DNAI3: variants seen among roughly 807,000 people sequenced by gnomAD.
The protein encoded by DNAI3 is WD repeat domain 63.
DNAI3 carries 83 observed loss-of-function variants against 115.5 expected under a neutral mutation model. The ratio of observed to expected loss-of-function variants is 0.72; its 90% CI spans 0.60 to 0.86. The LOEUF is 0.86. DNAI3 is among the 40% of genes least tolerant of loss of function. The pLI, the probability that DNAI3 is intolerant of heterozygous loss-of-function variation, is 0.00. For missense variants in DNAI3, 1,004 were observed against 1,075.8 expected (o/e 0.93, Z 0.93); for synonymous variants, 320 against 347.0 (o/e 0.92, Z 0.86).
Position 85,084,580 on chromosome 1 carries a change from A to C in DNAI3, c.425A>C (p.Lys142Thr). 2 of 1,527,124 alleles carry C rather than the reference A, an allele frequency of 1.3e-6. No homozygotes were observed. The highest frequency in any genetic ancestry group is 2.7e-5 in the South Asian group (2 of 75,096). The allele number at this position is 1,527,124 out of a possible 1,614,324, so 94.6% of individuals were successfully genotyped here. Reference sequence around the variant, plus strand: ...GTACCAGAAGAACAAGAAGAATATAAAGAACATATTCCTGAAGATGTGTAT... The same window carrying C: ...GTACCAGAAGAACAAGAAGAATATACAGAACATATTCCTGAAGATGTGTAT... ...PEVPEEQEEY[K>T]EHIPEDVYIY... Residue 142 changes from lysine (K) to threonine (T), a missense_variant, in exon 6 of 23, where the codon AAA becomes ACA. Transcript: ENST00000294664.
intron 20 of DNAI3, among the ~76,000 whole-genome samples, chr1:85,128,499 A>G (rs1656216258): frequency 2.6e-5 from 4 of 152,218 alleles, no homozygotes; most frequent in Admixed American, 2.6e-4. Flanking sequence ...ACAAAGGCTC[A>G]GTCTTAGCTT....
intron 7 of DNAI3, among the ~76,000 whole-genome samples, chr1:85,088,007 C>A (rs141524060): frequency 6.6e-6 from 1 of 151,790 alleles, no homozygotes; most frequent in South Asian, 2.1e-4. Context: ...AAACAAGAGG[C>A]GGTAAAGAGA....
chr1:85,095,448 G>C (rs547139435), intron 10 of DNAI3, among the ~76,000 whole-genome samples: 1 of 151,984 alleles, frequency 6.6e-6, no homozygotes, highest in African/African-American at 2.4e-5. Context: ...GCCCTTTCTT[G>C]TCAGCCACAA....
chr1:85,084,555 G>C lies in DNAI3; in HGVS notation c.400G>C (p.Val134Leu). ...ATTTATTTTACTTTAGCCCCCAGAA[G>C]TACCAGAAGAACAAGAAGAATATAA... Reference protein sequence around the residue: ...GKENYLNPPEVPEEQEEYKEH... With the variant: ...GKENYLNPPELPEEQEEYKEH... Residue 134 changes from valine (V) to leucine (L), a missense_variant, in exon 6 of 23, where the codon GTA becomes CTA. Physicochemically the swap from Val to Leu is conservative, Grantham distance 32. Transcript: ENST00000294664. 2 of 1,454,414 alleles carry C rather than the reference G, an allele frequency of 1.4e-6. No individual in the cohort carries two copies. The highest frequency in any genetic ancestry group is 1.8e-6 in the Non-Finnish European group (2 of 1,099,396). 90.1% of individuals were successfully genotyped at this position (1,454,414 alleles called of 1,614,324 possible). A position where few individuals can be genotyped will look rare whatever the true frequency, so the allele number is the denominator to read the frequency against.
Position 85,082,376 on chromosome 1 carries a change from C to A in DNAI3, c.362C>A (p.Thr121Asn), listed in dbSNP as rs1557709866. 1.9e-6 allele frequency: 3 copies of A among 1,613,616 alleles called. No individual in the cohort carries two copies. In the Admixed American group the frequency reaches 5.0e-5, roughly 27 times the overall value. Reference protein sequence around the residue: ...KYGLNFYLIATEEGKENYLNP... With the variant: ...KYGLNFYLIANEEGKENYLNP... ...GGACTTAACTTTTATCTTATTGCAA[C>A]TGAAGAGGGCAAAGAAAACTATTTA... The change falls in exon 5 of 23, where the codon ACT (threonine) becomes AAT (asparagine). Residue 121 changes from threonine (T) to asparagine (N), a missense_variant. Around this residue, in one of 3 missense-constraint regions of DNAI3, gnomAD observed 550 missense variants for 568.1 expected, o/e 0.97. Transcript: ENST00000294664.
chr1:85,082,633 A>T (rs1200166453), intron 5 of DNAI3, among the ~76,000 whole-genome samples: 1 of 152,060 alleles, frequency 6.6e-6, no homozygotes, highest in Non-Finnish European at 1.5e-5. Flanking sequence ...TTTTGTGGAG[A>T]TGAGGTCTCA....
intron 17 of DNAI3, 106 bp downstream of exon 17, chr1:85,117,965 C>A: frequency 3.0e-6 from 4 of 1,322,660 alleles, no homozygotes; most frequent in Non-Finnish European, 4.1e-6. Flanking sequence ...AAAAGTTATA[C>A]CATTTTCATA....
At chr1:85,123,041 A>G (rs1656034010) in intron 18 of DNAI3, among the ~76,000 whole-genome samples, 1 of 152,208 alleles carries the variant, frequency 6.6e-6, no homozygotes, top group Non-Finnish European at 1.5e-5. Context: ...CTGGCAACAA[A>G]TGGAAGGACT....
At chr1:85,083,795 C>T (rs554411756) in intron 5 of DNAI3, among the ~76,000 whole-genome samples, 5 of 152,154 alleles carry the variant, frequency 3.3e-5, no homozygotes, top group African/African-American at 1.2e-4. Context: ...TTTCTTTACT[C>T]CTCCCTATAA....
At chr1:85,106,058 T>G (rs1394418849) in intron 14 of DNAI3, among the ~76,000 whole-genome samples, 1 of 152,116 alleles carries the variant, frequency 6.6e-6, no homozygotes, top group Non-Finnish European at 1.5e-5. Context: ...GAGAATCACT[T>G]GAACCCAGGA....
chr1:85,121,641 CTTG>C lies in DNAI3; in HGVS notation c.1918-104_1918-102del, dbSNP rs759078241. ...GGATCAAATTACTTGATTAAATTGA[CTTG>C]TTGTTTTGCATTTGTTTTGCTTAAC... On this transcript the variant is annotated intron_variant, in intron 17 of 22. Transcript: ENST00000294664. The C allele has an allele frequency of 7.6e-5, 73 of 965,702 alleles. No individual in the cohort carries two copies. The East Asian group carries it at 1.1e-3, about 15-fold the overall frequency. The allele number at this position is 965,702 out of a possible 1,614,324, so 59.8% of individuals were successfully genotyped here.
At chr1:85,106,089 G>A (rs1655483537) in intron 14 of DNAI3, among the ~76,000 whole-genome samples, 2 of 152,116 alleles carry the variant, frequency 1.3e-5, no homozygotes. Flanking sequence ...TCAGTGAGCC[G>A]AGATCATGCC....
Position 85,090,221 on chromosome 1 carries a change from T to G in DNAI3, c.846T>G (p.Asn282Lys). ...AGCCTTTGGTTGATTTTCTTAACAA[T>G]GCATCCATAAGGTAAAAAATTGCAT... ...QSKPLVDFLN[N>K]ASISVEIALQ... is the part of the protein sequence containing the mutation. Residue 282 changes from asparagine (N) to lysine (K), a missense_variant, in exon 8 of 23, where the codon AAT (asparagine) becomes AAG (lysine). By Grantham distance (94) the Asn-to-Lys change is moderately conservative. Around this residue, in one of 3 missense-constraint regions of DNAI3, gnomAD observed 550 missense variants for 568.1 expected, o/e 0.97. Transcript: ENST00000294664. 7 of 1,559,296 alleles carry G rather than the reference T, an allele frequency of 4.5e-6. No individual in the cohort carries two copies. In the South Asian group the frequency reaches 7.6e-5, roughly 17 times the overall value.
chr1:85,070,151 C>T (rs550073895), intron 1 of DNAI3, among the ~76,000 whole-genome samples: 38 of 152,164 alleles, frequency 2.5e-4, no homozygotes, highest in East Asian at 1.6e-3. Context: ...GTCCCAGCTA[C>T]TTGGGAGGCT....
At chr1:85,086,351 C>G (rs1229554981) in intron 7 of DNAI3, among the ~76,000 whole-genome samples, 3 of 152,198 alleles carry the variant, frequency 2.0e-5, no homozygotes, top group Non-Finnish European at 2.9e-5. Flanking sequence ...GTTCTACTAC[C>G]TAAGTCATCA....
intron 9 of DNAI3, 161 bp downstream of exon 9, chr1:85,093,809 T>C (rs1043737056): frequency 3.7e-6 from 3 of 815,026 alleles, no homozygotes; most frequent in Non-Finnish European, 6.2e-6. Context: ...CTCACTGTCA[T>C]GTGTCCTCCC....
chr1:85,068,313 T>C (rs1166388351), intron 1 of DNAI3, among the ~76,000 whole-genome samples: 1 of 152,168 alleles, frequency 6.6e-6, no homozygotes, highest in Non-Finnish European at 1.5e-5. Context: ...TCTCAATAAA[T>C]AGCAACTCCA....
At position 85,130,667 on chromosome 1, in the gene DNAI3, TGATAGATAGATAGATAGATAGATAGATA is replaced by T. The variant is rs71736981; in HGVS notation, c.2532+580_2532+607del. On this transcript the variant is annotated intron_variant, in intron 22 of 22. Transcript: ENST00000294664. ...AATGATAGATGATAGATTAGATAGATGATAGATAGATAGATAGATAGATAGATAGATAGATAGATAGATAGATAGATAA... is the reference window on the plus strand; with the variant it reads ...AATGATAGATGATAGATTAGATAGATGATAGATAGATAGATAGATAGATAA... Among the ~76,000 whole-genome samples the T allele has an allele frequency of 3.7e-3, 555 of 148,478 alleles. 4 individuals are homozygous for T. Among genetic ancestry groups the T allele is most frequent in the East Asian group, 0.011 (56 of 5,052 alleles).
At position 85,108,078 on chromosome 1, in the gene DNAI3, C is replaced by T. The variant is rs1281498162; in HGVS notation, c.1599C>T (p.Pro533=). 8.7e-6 allele frequency: 14 copies of T among 1,609,008 alleles called. No homozygotes were observed. Among genetic ancestry groups the T allele is most frequent in the Non-Finnish European group, 1.2e-5 (14 of 1,178,044 alleles). The part of the protein sequence containing the change: ...WDIRPQKPLT[P]QTTEKKKEES... ...TTAGACCACAGAAACCTTTAACCCC[C>T]CAAACAACAGAGAAAAAGAAGGAGG... Residue 533 remains proline, a synonymous_variant, in exon 15 of 23, where the codon CCC becomes CCT. Coordinates refer to ENST00000294664, the MANE Select transcript of DNAI3 (RefSeq NM_145172.5).
Sources: gnomAD v4.1 joint callset for allele counts (sites outside exome capture counted in the v4.1 genomes callset) on GRCh38, gnomAD v4.1.1 for gene constraint, gnomAD v4.1.1 regional missense constraint, MANE v1.5 for transcripts, NCBI Gene and HGNC (gene_info 2026-07-23, HGNC 2026-07-21) for gene names.